ARHGEF4: variants seen among roughly 807,000 people sequenced by gnomAD.
ARHGEF4 encodes the protein Rho guanine nucleotide exchange factor 4.
ARHGEF4 carries 119 observed loss-of-function variants against 162.0 expected under a neutral mutation model. The observed-to-expected ratio is 0.73, with a 90% CI of 0.63 to 0.86. ARHGEF4 has a LOEUF of 0.86. Ranked by LOEUF, ARHGEF4 falls within the 40% of genes least tolerant of loss-of-function variation. The pLI is 0.00. For missense variants in ARHGEF4, 2,488 were observed against 2,456.0 expected (o/e 1.01, Z -0.28); for synonymous variants, 1,014 against 979.9 (o/e 1.03, Z -0.65).
At chr2:130,902,265 T>G (rs1680527765) in intron 1 of ARHGEF4, among the ~76,000 whole-genome samples, 1 of 150,708 alleles carries the variant, frequency 6.6e-6, no homozygotes, top group East Asian at 2.0e-4. Context: ...CCTCCTTCCT[T>G]TCTGTCTCTT....
At chr2:131,004,311 C>G (rs993465685) in intron 4 of ARHGEF4, among the ~76,000 whole-genome samples, 2 of 152,044 alleles carry the variant, frequency 1.3e-5, no homozygotes, top group African/African-American at 4.8e-5. Flanking sequence ...GACTACAGGC[C>G]CCCGCCACCA....
At chr2:130,986,892 T>G (rs1044747595) in intron 4 of ARHGEF4, among the ~76,000 whole-genome samples, 1 of 152,188 alleles carries the variant, frequency 6.6e-6, no homozygotes, top group Non-Finnish European at 1.5e-5. Context: ...AGGAGAGCCT[T>G]GGGTCACACA....
intron 1 of ARHGEF4, among the ~76,000 whole-genome samples, chr2:130,877,073 G>A (rs1177820064): frequency 6.6e-6 from 1 of 152,106 alleles, no homozygotes; most frequent in Non-Finnish European, 1.5e-5. Context: ...GTGGCGATGG[G>A]GTCCTCAGAA....
At chr2:130,939,909 G>A (rs753126325) in intron 3 of ARHGEF4, among the ~76,000 whole-genome samples, 2 of 152,110 alleles carry the variant, frequency 1.3e-5, no homozygotes, top group African/African-American at 2.4e-5. Flanking sequence ...ATGGAAATGC[G>A]ATTGATTTTT....
In ARHGEF4 at chr2:131,040,189, C is replaced by T. The variant is rs2105407062; in HGVS notation, c.4479C>T (p.Cys1493=). Residue 1493 remains cysteine, a synonymous_variant, in exon 7 of 14, where the codon TGC becomes TGT. Coordinates refer to ENST00000409359, the MANE Select transcript of ARHGEF4 (RefSeq NM_001367493.1). ...RDYIKHLRDI[C]EGYVRQCRKR... is the part of the protein sequence containing the mutation. ...ACATCAAGCACCTGCGCGACATCTG[C>T]GAGGTGAGGCCCGGCCGGCGGGCGG... 2 of 1,609,720 alleles carry T rather than the reference C, an allele frequency of 1.2e-6. No individual in the cohort carries two copies. The highest frequency in any genetic ancestry group is 1.7e-6 in the Non-Finnish European group (2 of 1,177,370).
rs116201386 is a variant in ARHGEF4 at position 131,031,242 on chromosome 2, C to T, written c.4125+3158C>T. Among the ~76,000 whole-genome samples the T allele has an allele frequency of 5.4e-3, 821 of 152,308 alleles. 6 individuals carry two copies. Among genetic ancestry groups the T allele is most frequent in the African/African-American group, 0.018 (752 of 41,556 alleles). ...GGGTCACAATTTAGCCAGATGCCTC[C>T]CTCAGAAGGGGAAACCACCTTGCAA... is the stretch of plus-strand genomic sequence containing the variant. On this transcript the variant is annotated intron_variant, in intron 5 of 13. Coordinates refer to ENST00000409359, the MANE Select transcript of ARHGEF4 (RefSeq NM_001367493.1).
chr2:130,883,453 A>G (rs1020392457), intron 1 of ARHGEF4, among the ~76,000 whole-genome samples: 2 of 152,120 alleles, frequency 1.3e-5, no homozygotes, highest in East Asian at 1.9e-4. Flanking sequence ...AAAAAGCACA[A>G]CTCAAAAACA....
intron 4 of ARHGEF4, among the ~76,000 whole-genome samples, chr2:131,024,776 T>G (rs1233516274): frequency 3.9e-5 from 6 of 151,982 alleles, no homozygotes; most frequent in Admixed American, 3.3e-4. Context: ...AACCATCCAG[T>G]CGGGAGGGGA....
Position 130,914,752 on chromosome 2 carries a change from C to G in ARHGEF4, c.806C>G (p.Thr269Arg). 7.0e-7 allele frequency: 1 copy of G among 1,425,804 alleles called. No individual in the cohort carries two copies. Among genetic ancestry groups the G allele is most frequent in the African/African-American group, 1.4e-5 (1 of 69,650 alleles). 88.3% of individuals were successfully genotyped at this position (1,425,804 alleles called of 1,614,324 possible). ...AACACAGCCCCTCTGGGGACCAGGACAAAGAAGGAAAGTACTCTAGGCCCT... is the reference window on the plus strand; with the variant it reads ...AACACAGCCCCTCTGGGGACCAGGAGAAAGAAGGAAAGTACTCTAGGCCCT... ...LDNTAPLGTR[T>R]KKESTLGPAG... is the part of the protein sequence containing the mutation. Residue 269 changes from threonine to arginine, a missense_variant, in exon 2 of 14, where the codon ACA becomes AGA. Around this residue, in one of 6 missense-constraint regions of ARHGEF4, gnomAD observed 1,642 missense variants for 1,481.5 expected, o/e 1.11. Coordinates refer to ENST00000409359, the MANE Select transcript of ARHGEF4 (RefSeq NM_001367493.1).
intron 4 of ARHGEF4, among the ~76,000 whole-genome samples, chr2:131,009,205 G>A (rs914956737): frequency 1.3e-5 from 2 of 152,184 alleles, no homozygotes; most frequent in Non-Finnish European, 2.9e-5. Flanking sequence ...TTCTGAAGAT[G>A]TATTTATTTC....
At chr2:130,854,934 C>T (rs982391749) in intron 1 of ARHGEF4, among the ~76,000 whole-genome samples, 3 of 151,614 alleles carry the variant, frequency 2.0e-5, no homozygotes, top group South Asian at 2.1e-4. Flanking sequence ...AGTGCAGTGG[C>T]GCAATCTCGG....
intron 4 of ARHGEF4, among the ~76,000 whole-genome samples, chr2:130,998,935 A>G (rs1321442308): frequency 6.6e-6 from 1 of 152,194 alleles, no homozygotes; most frequent in African/African-American, 2.4e-5. Context: ...CCCGCAAGCC[A>G]TGGATGAGAG....
At chr2:130,851,459 C>G (rs1208660802) in intron 1 of ARHGEF4, among the ~76,000 whole-genome samples, 1 of 152,224 alleles carries the variant, frequency 6.6e-6, no homozygotes, top group Non-Finnish European at 1.5e-5. Flanking sequence ...TCAGCCAGAA[C>G]CGGGTGCGGT....
At chr2:130,948,911 CT>C (rs1683785404) in intron 4 of ARHGEF4, among the ~76,000 whole-genome samples, 1 of 152,166 alleles carries the variant, frequency 6.6e-6, no homozygotes, top group South Asian at 2.1e-4. Flanking sequence ...CTTAGGAAAG[CT>C]TTCTTTTCTT....
intron 4 of ARHGEF4, among the ~76,000 whole-genome samples, chr2:130,965,150 G>C (rs1475336252): frequency 6.6e-6 from 1 of 152,218 alleles, no homozygotes; most frequent in Non-Finnish European, 1.5e-5. Context: ...AGGGCCTCAC[G>C]TAGGTGTGGA....
intron 1 of ARHGEF4, among the ~76,000 whole-genome samples, chr2:130,912,207 C>T (rs577035959): frequency 6.6e-6 from 1 of 152,368 alleles, no homozygotes; most frequent in East Asian, 1.9e-4. Flanking sequence ...CACTGGTCCT[C>T]TCCTTGCCGT....
chr2:130,908,783 T>G (rs1028185327), intron 1 of ARHGEF4, among the ~76,000 whole-genome samples: 1 of 152,046 alleles, frequency 6.6e-6, no homozygotes, highest in African/African-American at 2.4e-5. Context: ...TTGGAAAACA[T>G]ATATCTGACA....
intron 1 of ARHGEF4, among the ~76,000 whole-genome samples, chr2:130,896,279 G>C (rs1680153879): frequency 6.6e-6 from 1 of 152,098 alleles, no homozygotes; most frequent in African/African-American, 2.4e-5. Flanking sequence ...CCATATTCTT[G>C]TAAGTACTTA....
intron 4 of ARHGEF4, among the ~76,000 whole-genome samples, chr2:131,019,276 G>A (rs1029414741): frequency 2.0e-5 from 3 of 152,092 alleles, no homozygotes; most frequent in African/African-American, 7.2e-5. Context: ...TCTCGGTGTG[G>A]TGTCACATGC....
Sources: gnomAD v4.1 joint callset for allele counts (sites outside exome capture counted in the v4.1 genomes callset) on GRCh38, gnomAD v4.1.1 for gene constraint, gnomAD v4.1.1 regional missense constraint, MANE v1.5 for transcripts, NCBI Gene and HGNC (gene_info 2026-07-23, HGNC 2026-07-21) for gene names.